ANKRD31: variants seen among roughly 807,000 people sequenced by gnomAD.
ANKRD31 encodes the protein ankyrin repeat domain-containing protein 31.
In ANKRD31, 147 loss-of-function variants were observed where a neutral mutation model predicts 186.0. The ratio of observed to expected loss-of-function variants is 0.79; its 90% CI spans 0.69 to 0.91. ANKRD31 has a LOEUF of 0.91. Ranked by LOEUF, ANKRD31 falls within the 40% of genes least tolerant of loss-of-function variation. The probability of loss-of-function intolerance (pLI) is 0.00; values close to 1 mark genes in which losing one functional copy is unlikely to be tolerated. For synonymous variants in ANKRD31, 673 were observed against 736.4 expected (o/e 0.91, Z 1.39); for missense variants, 1,986 against 2,148.8 (o/e 0.92, Z 1.50).
intron 4 of ANKRD31, among the ~76,000 whole-genome samples, chr5:75,209,162 T>C (rs1756443716): frequency 6.6e-6 from 1 of 152,206 alleles, no homozygotes; most frequent in South Asian, 2.1e-4. Context: ...TCATAGTCTA[T>C]CTTGCACTTT....
At chr5:75,074,213 T>C (rs1744451982) in intron 25 of ANKRD31, among the ~76,000 whole-genome samples, 1 of 152,216 alleles carries the variant, frequency 6.6e-6, no homozygotes, top group African/African-American at 2.4e-5. Flanking sequence ...CAAAGCATAG[T>C]GTTAAGGCCA....
At chr5:75,187,000 T>G (rs1241983797) in intron 10 of ANKRD31, among the ~76,000 whole-genome samples, 1 of 149,896 alleles carries the variant, frequency 6.7e-6, no homozygotes, top group Non-Finnish European at 1.5e-5. Flanking sequence ...AGAGAGTGAG[T>G]GTGTGTGTGT....
At chr5:75,180,503 C>T (rs1008250453) in intron 10 of ANKRD31, among the ~76,000 whole-genome samples, 11 of 152,118 alleles carry the variant, frequency 7.2e-5, no homozygotes, top group African/African-American at 2.7e-4. Context: ...GCTACAGTAA[C>T]CAAAACAGCA....
At chr5:75,194,170 T>C (rs1213261642) in intron 7 of ANKRD31, among the ~76,000 whole-genome samples, 1 of 152,164 alleles carries the variant, frequency 6.6e-6, no homozygotes, top group African/African-American at 2.4e-5. Context: ...TACTTACATA[T>C]CCGTCTTGCA....
At chr5:75,154,623 A>T (rs760223529) in intron 11 of ANKRD31, among the ~76,000 whole-genome samples, 1 of 151,978 alleles carries the variant, frequency 6.6e-6, no homozygotes, top group African/African-American at 2.4e-5. Flanking sequence ...AGGGAGAAGG[A>T]GGTAAGGGGG....
At chr5:75,193,718 A>G (rs1302386832) in intron 7 of ANKRD31, 127 bp from the exon 8 acceptor site, 3 of 770,686 alleles carry the variant, frequency 3.9e-6, no homozygotes, top group East Asian at 5.4e-5. Context: ...AAGTACAAGA[A>G]TTCATAGACA....
At chr5:75,215,476 C>A (rs2150296344) in intron 3 of ANKRD31, among the ~76,000 whole-genome samples, 1 of 152,204 alleles carries the variant, frequency 6.6e-6, no homozygotes, top group South Asian at 2.1e-4. Flanking sequence ...CCACACAAAC[C>A]AAAATCTATT....
intron 10 of ANKRD31, among the ~76,000 whole-genome samples, chr5:75,179,322 C>CAATG (rs1323058760): frequency 6.6e-6 from 1 of 152,146 alleles, no homozygotes; most frequent in African/African-American, 2.4e-5. Context: ...GGAGCTGGTA[C>CAATG]CATTCCTTCT....
intron 10 of ANKRD31, among the ~76,000 whole-genome samples, chr5:75,173,298 G>A (rs1156442076): frequency 6.6e-6 from 1 of 152,010 alleles, no homozygotes; most frequent in Non-Finnish European, 1.5e-5. Context: ...GGCAAAAACT[G>A]GAAGCATTCC....
At chr5:75,145,912 A>T in intron 14 of ANKRD31, 75 bp downstream of exon 14, 1 of 1,270,384 alleles carries the variant, frequency 7.9e-7, no homozygotes, top group Non-Finnish European at 1.0e-6. Flanking sequence ...GTTTGAATAC[A>T]ATTCAGTTGG....
intron 3 of ANKRD31, among the ~76,000 whole-genome samples, chr5:75,215,092 G>C (rs1756885712): frequency 6.6e-6 from 1 of 152,164 alleles, no homozygotes; most frequent in Non-Finnish European, 1.5e-5. Flanking sequence ...ACCAGAACAG[G>C]CAATAGTACA....
chr5:75,146,088 A>G lies in ANKRD31; in HGVS notation c.3323T>C (p.Ile1108Thr). The G allele has an allele frequency of 6.5e-7, 1 of 1,535,348 alleles. No individual in the cohort carries two copies. ...AGTGGAATGAGAATCTATATTGTGT[A>G]TAGTCTCACTTTCTAGATGGTTTTG... ...RRQNHLESET[I>T]HNIDSHSTDN... The change falls in exon 14 of 26, where the codon ATA becomes ACA. Residue 1108 changes from isoleucine to threonine, a missense_variant. By Grantham distance (89) the Ile-to-Thr change is moderately conservative. Transcript: ENST00000506364.
intron 25 of ANKRD31, among the ~76,000 whole-genome samples, chr5:75,077,960 A>G (rs1025044957): frequency 1.3e-5 from 2 of 150,246 alleles, no homozygotes; most frequent in African/African-American, 4.9e-5. Flanking sequence ...AAAAAAATAG[A>G]AGTTCTTAAG....
rs6888707 is a variant in ANKRD31 at position 75,147,095 on chromosome 5, A to G, written c.2316T>C (p.Thr772=). 616,463 of 1,535,950 alleles carry G rather than the reference A, an allele frequency of 0.4. 133,603 individuals are homozygous for G. Among genetic ancestry groups the G allele is most frequent in the African/African-American group, 0.83 (60,687 of 73,046 alleles). The change falls in exon 14 of 26, where the codon ACT becomes ACC. Residue 772 remains threonine (T), a synonymous_variant. Transcript: ENST00000506364. Reference sequence around the variant, plus strand: ...ACAATTCTTCTGGAAGGTCATTATGAGTTTCTGGAATATGCTGCTGATAGG... The same window carrying G: ...ACAATTCTTCTGGAAGGTCATTATGGGTTTCTGGAATATGCTGCTGATAGG... The part of the protein sequence containing the change: ...LVTYQQHIPE[T]HNDLPEELCE...
intron 25 of ANKRD31, among the ~76,000 whole-genome samples, chr5:75,078,407 C>A (rs766199018): frequency 6.6e-6 from 1 of 151,954 alleles, no homozygotes; most frequent in Admixed American, 6.6e-5. Context: ...ATCTAACGGA[C>A]CATTTTATTA....
At chr5:75,154,591 AAAG>A (rs1292627711) in intron 11 of ANKRD31, among the ~76,000 whole-genome samples, 1 of 152,050 alleles carries the variant, frequency 6.6e-6, no homozygotes, top group Non-Finnish European at 1.5e-5. Context: ...AGAGAAAAAG[AAAG>A]AAGGAGGGAA....
intron 3 of ANKRD31, among the ~76,000 whole-genome samples, chr5:75,212,335 G>A (rs1561541173): frequency 6.6e-6 from 1 of 152,094 alleles, no homozygotes; most frequent in Non-Finnish European, 1.5e-5. Flanking sequence ...AAACTGGGCA[G>A]GGCACAGTGG....
chr5:75,144,531 G>A (rs1751290270), intron 14 of ANKRD31, among the ~76,000 whole-genome samples: 1 of 152,086 alleles, frequency 6.6e-6, no homozygotes, highest in South Asian at 2.1e-4. Context: ...GGGAAAACAG[G>A]CTAGCCATAT....
Position 75,122,824 on chromosome 5 carries a change from TATC to T in ANKRD31, c.3877-4530_3877-4528del, listed in dbSNP as rs1283261289. Among the ~76,000 whole-genome samples, 4 of 152,228 alleles carry T rather than the reference TATC, an allele frequency of 2.6e-5. No homozygotes were observed. In the East Asian group the frequency reaches 7.7e-4, roughly 29 times the overall value. ...CCATATGCAACAAACTTATGGCCAA[TATC>T]ATATTGAATTGGGAAGGGCTGAAAA... On this transcript the variant is annotated intron_variant, in intron 17 of 25. Coordinates refer to ENST00000506364, the MANE Select transcript of ANKRD31 (RefSeq NM_001372053.1).
Sources: gnomAD v4.1 joint callset for allele counts (sites outside exome capture counted in the v4.1 genomes callset) on GRCh38, gnomAD v4.1.1 for gene constraint, MANE v1.5 for transcripts, NCBI Gene and HGNC (gene_info 2026-07-23, HGNC 2026-07-21) for gene names.